The following AKAIN1 variants were observed in gnomAD, a reference collection of about 807,000 sequenced individuals.
AKAIN1 encodes the protein A-kinase anchor inhibitor 1.
A neutral mutation model predicts 3.7 loss-of-function variants in AKAIN1; 3 were observed. The ratio of observed to expected loss-of-function variants is 0.82; its 90% confidence interval spans 0.37 to 2.12. AKAIN1 has a LOEUF of 2.12. Among genes scored for constraint, AKAIN1 ranks in the 30% most tolerant of loss-of-function variants. The probability of loss-of-function intolerance (pLI) is 0.06; values close to 1 mark genes in which losing one functional copy is unlikely to be tolerated. For missense variants in AKAIN1, 82 were observed against 82.7 expected (o/e 0.99, Z 0.03); for synonymous variants, 31 against 30.8 (o/e 1.01, Z -0.02).
At chr18:5,154,029 C>G (rs765495566) in intron 1 of AKAIN1, among the ~76,000 whole-genome samples, 10 of 151,968 alleles carry the variant, frequency 6.6e-5, no homozygotes, top group East Asian at 1.9e-4. Context: ...TCTGGGAGAT[C>G]GAGACCAGCC....
intron 1 of AKAIN1, among the ~76,000 whole-genome samples, chr18:5,174,882 G>A (rs2071217607): frequency 6.6e-6 from 1 of 152,162 alleles, no homozygotes; most frequent in East Asian, 1.9e-4. Context: ...TGCAGAGACA[G>A]AATACTAACC....
intron 1 of AKAIN1, among the ~76,000 whole-genome samples, chr18:5,182,984 T>C (rs536578762): frequency 6.6e-6 from 1 of 150,910 alleles, no homozygotes; most frequent in African/African-American, 2.5e-5. Context: ...GTGCACATAT[T>C]TTTTTTTGTC....
chr18:5,144,183 ATTATCTATT>A lies in AKAIN1; in HGVS notation c.*1370_*1378del, dbSNP rs2071036159. ...AAAGCTGGTAAGATATTTTTCATTC[ATTATCTATT>A]ATCCAACTATTTATTCTAGAAACTG... On this transcript the variant is annotated 3_prime_UTR_variant, in exon 2 of 2. Transcript: ENST00000434239. Among the ~76,000 whole-genome samples, 1 of 152,138 alleles carries A rather than the reference ATTATCTATT, an allele frequency of 6.6e-6. No individual in the cohort carries two copies. Among genetic ancestry groups the A allele is most frequent in the Non-Finnish European group, 1.5e-5 (1 of 68,026 alleles).
chr18:5,190,026 T>C (rs1385572787), intron 1 of AKAIN1, among the ~76,000 whole-genome samples: 1 of 152,178 alleles, frequency 6.6e-6, no homozygotes, highest in Non-Finnish European at 1.5e-5. Flanking sequence ...CGATTCTGGA[T>C]GCCAGGAAGT....
At chr18:5,170,724 T>C (rs1026976279) in intron 1 of AKAIN1, 2 of 152,162 alleles carry the variant, frequency 1.3e-5, no homozygotes, top group Non-Finnish European at 2.9e-5. Flanking sequence ...CCTTGAACTG[T>C]GTGGGCACTT....
intron 1 of AKAIN1, among the ~76,000 whole-genome samples, chr18:5,180,581 G>A (rs559650612): frequency 6.6e-6 from 1 of 152,098 alleles, no homozygotes; most frequent in Non-Finnish European, 1.5e-5. Flanking sequence ...TAAAGTAACT[G>A]TTAATTATTA....
At chr18:5,151,815 T>C (rs1000433904) in intron 1 of AKAIN1, among the ~76,000 whole-genome samples, 1 of 152,246 alleles carries the variant, frequency 6.6e-6, no homozygotes, top group African/African-American at 2.4e-5. Context: ...GACCTACATG[T>C]ATGGTACTAT....
chr18:5,197,143 G>A lies in AKAIN1; in HGVS notation c.-90C>T. The A allele has an allele frequency of 1.3e-6, 2 of 1,533,024 alleles. No homozygotes were observed. Among genetic ancestry groups the A allele is most frequent in the Non-Finnish European group, 1.8e-6 (2 of 1,142,064 alleles). The allele number at this position is 1,533,024 out of a possible 1,614,324, so 95.0% of individuals were successfully genotyped here. ...AAGGCCGGACTTGGCGGGGTCCGGT[G>A]CAGGAGGGCGCGCTGGGCGGGCGGC... On this transcript the variant is annotated 5_prime_UTR_variant, in exon 1 of 2. Transcript: ENST00000434239. This position sits in a 1 kb window ranked among gnomAD's most constrained non-coding sequence, Gnocchi z 6.9.
chr18:5,170,359 T>C (rs2071190502), intron 1 of AKAIN1, among the ~76,000 whole-genome samples: 1 of 152,140 alleles, frequency 6.6e-6, no homozygotes, highest in Non-Finnish European at 1.5e-5. Context: ...CCATTTTCCA[T>C]AATGTGACCT....
chr18:5,183,049 T>C (rs1195980904), intron 1 of AKAIN1, among the ~76,000 whole-genome samples: 2 of 152,070 alleles, frequency 1.3e-5, no homozygotes, highest in African/African-American at 4.8e-5. Context: ...CTGTGCTGCA[T>C]ACAGAAAAAA....
At chr18:5,165,515 A>G (rs2071162829) in intron 1 of AKAIN1, among the ~76,000 whole-genome samples, 1 of 152,046 alleles carries the variant, frequency 6.6e-6, no homozygotes, top group South Asian at 2.1e-4. Context: ...TTCAGAGTAC[A>G]GATGGGAGTT....
intron 1 of AKAIN1, among the ~76,000 whole-genome samples, chr18:5,176,281 A>C (rs1353215545): frequency 6.6e-6 from 1 of 152,160 alleles, no homozygotes; most frequent in African/African-American, 2.4e-5. Flanking sequence ...TCTACTAAAA[A>C]TGTAAAAACT....
At chr18:5,187,414 T>G (rs2071293668) in intron 1 of AKAIN1, among the ~76,000 whole-genome samples, 1 of 152,172 alleles carries the variant, frequency 6.6e-6, no homozygotes, top group Admixed American at 6.5e-5. Flanking sequence ...AGAACATAAG[T>G]TAATTTGGCT....
intron 1 of AKAIN1, among the ~76,000 whole-genome samples, chr18:5,151,477 A>C (rs1397340149): frequency 6.6e-6 from 1 of 152,246 alleles, no homozygotes; most frequent in Non-Finnish European, 1.5e-5. Flanking sequence ...CTGAGCTTCC[A>C]GCTTGCTGCT....
intron 1 of AKAIN1, among the ~76,000 whole-genome samples, chr18:5,192,426 TTTCTTTCTTTCTTTC>T (rs1369794730): frequency 1.9e-4 from 23 of 119,502 alleles, no homozygotes; most frequent in East Asian, 7.9e-4. Context: ...TCTTTCTTTC[TTTCTTTCTTTCTTTC>T]TTTCTTTTTC....
At chr18:5,182,948 CT>C (rs1291825276) in intron 1 of AKAIN1, among the ~76,000 whole-genome samples, 1 of 152,036 alleles carries the variant, frequency 6.6e-6, no homozygotes, top group African/African-American at 2.4e-5. Context: ...ACGGAAGATT[CT>C]TTCTAAAGAC....
intron 1 of AKAIN1, among the ~76,000 whole-genome samples, chr18:5,161,563 A>G (rs934400907): frequency 6.6e-6 from 1 of 152,024 alleles, no homozygotes; most frequent in African/African-American, 2.4e-5. Context: ...TGGAGCCTCT[A>G]TTAGAAGACT....
Position 5,145,523 on chromosome 18 carries a change from C to T in AKAIN1, c.*39G>A. On this transcript the variant is annotated 3_prime_UTR_variant, in exon 2 of 2. Transcript: ENST00000434239. ...GATGCGTCCTATACTAAGAGGAAGGCTAGAAACCAAGCACATGTCAAGAGC... is the reference window on the plus strand; with the variant it reads ...GATGCGTCCTATACTAAGAGGAAGGTTAGAAACCAAGCACATGTCAAGAGC... The T allele has an allele frequency of 6.5e-7, 1 of 1,527,434 alleles. No individual in the cohort carries two copies. Among genetic ancestry groups the T allele is most frequent in the East Asian group, 2.5e-5 (1 of 40,776 alleles). The allele number at this position is 1,527,434 out of a possible 1,614,324, so 94.6% of individuals were successfully genotyped here. A position where few individuals can be genotyped will look rare whatever the true frequency, so the allele number is the denominator to read the frequency against.
intron 1 of AKAIN1, among the ~76,000 whole-genome samples, chr18:5,148,126 G>T (rs2071059629): frequency 6.6e-6 from 1 of 152,202 alleles, no homozygotes; most frequent in African/African-American, 2.4e-5. Flanking sequence ...GTAAGCATTT[G>T]TAAGTGTCCA....
Sources: allele counts gnomAD v4.1 joint callset (sites outside exome capture counted in the v4.1 genomes callset), GRCh38; gene constraint gnomAD v4.1.1; non-coding constraint Gnocchi (gnomAD v3.1); transcripts MANE v1.5; gene names NCBI Gene and HGNC (gene_info 2026-07-23, HGNC 2026-07-21).